ZNF227: variants seen among roughly 807,000 people sequenced by gnomAD.
ZNF227 encodes the protein zinc finger protein 227.
In ZNF227, 12 loss-of-function variants were observed where a neutral mutation model predicts 13.2. The ratio of observed to expected loss-of-function variants is 0.91; its 90% CI spans 0.58 to 1.47. The LOEUF is 1.47. ZNF227 is among the 40% of genes most tolerant of loss of function. ZNF227 has a pLI of 0.00. For missense variants in ZNF227, 885 were observed against 967.5 expected, an observed-to-expected ratio of 0.91 and a Z score of 1.13; for synonymous variants, 338 against 326.0, an observed-to-expected ratio of 1.04 and a Z score of -0.40.
In ZNF227 at chr19:44,235,092, C is replaced by T. The variant is rs1347579443; in HGVS notation, c.662C>T (p.Thr221Ile). Reference protein sequence around the residue: ...SPFHEHIKTDTEPKPCKGNEY... With the variant: ...SPFHEHIKTDIEPKPCKGNEY... The stretch of plus-strand genomic sequence containing the variant: ...TTTCATGAGCATATTAAAACTGACA[C>T]AGAACCAAAACCCTGCAAAGGTAAT... Residue 221 changes from threonine (T) to isoleucine (I), a missense_variant, in exon 6 of 6, where the codon ACA becomes ATA. By Grantham distance (89) the Thr-to-Ile change is moderately conservative (BLOSUM62 -1). Coordinates refer to ENST00000313040, the MANE Select transcript of ZNF227 (RefSeq NM_182490.3). 2.5e-6 allele frequency: 4 copies of T among 1,613,738 alleles called. No homozygotes were observed. The highest frequency in any genetic ancestry group is 3.4e-6 in the Non-Finnish European group (4 of 1,179,958).
upstream of ZNF227, among the ~76,000 whole-genome samples, chr19:44,210,477 C>T (rs908452205): frequency 6.6e-6 from 1 of 152,188 alleles, no homozygotes; most frequent in African/African-American, 2.4e-5. Flanking sequence ...TAGCTTTATA[C>T]TAAGGCTGTA....
At chr19:44,230,677 T>TA (rs1324852552) in intron 5 of ZNF227, among the ~76,000 whole-genome samples, 2 of 151,958 alleles carry the variant, frequency 1.3e-5, no homozygotes, top group Admixed American at 1.3e-4. Context: ...CATTTTAATT[T>TA]AAAATACCAT....
At chr19:44,230,306 C>T (rs1030920659) in intron 5 of ZNF227, among the ~76,000 whole-genome samples, 6 of 152,254 alleles carry the variant, frequency 3.9e-5, no homozygotes, top group African/African-American at 1.4e-4. Flanking sequence ...TGAGTTGCCG[C>T]ACCCGGCCCA....
Position 44,234,923 on chromosome 19 carries a change from GA to G in ZNF227, c.497del (p.Asn166IlefsTer18). 10 of 1,612,900 alleles carry G rather than the reference GA, an allele frequency of 6.2e-6. No individual in the cohort carries two copies. Among genetic ancestry groups the G allele is most frequent in the Non-Finnish European group, 8.5e-6 (10 of 1,179,780 alleles). On this transcript the variant is annotated frameshift_variant, in exon 6 of 6. Transcript: ENST00000313040. LOFTEE classifies it low-confidence loss of function (END_TRUNC). ...NPKGDSSIYIENQEFPFWRTQ... is the reference protein window; with the variant it reads ...NPKGDSSIYIXNQEFPFWRTQ... ...TAAAGGAGATAGCTCTATTTATATT[GA>G]AAATCAAGAGTTTCCATTTTGGAGA...
chr19:44,225,132 G>A (rs547965368), intron 3 of ZNF227, among the ~76,000 whole-genome samples: 362 of 151,974 alleles, frequency 2.4e-3, no homozygotes, highest in African/African-American at 8.3e-3. Flanking sequence ...TCTGCCGAGA[G>A]ATCCGCTGTT....
At chr19:44,225,053 C>A (rs1972958576) in intron 3 of ZNF227, among the ~76,000 whole-genome samples, 1 of 152,074 alleles carries the variant, frequency 6.6e-6, no homozygotes, top group South Asian at 2.1e-4. Context: ...ATATGAAATT[C>A]TGGGTTGAAA....
At chr19:44,224,096 G>C (rs780644794) in intron 3 of ZNF227, among the ~76,000 whole-genome samples, 1 of 152,192 alleles carries the variant, frequency 6.6e-6, no homozygotes, top group Non-Finnish European at 1.5e-5. Flanking sequence ...TCTTAATCCT[G>C]AGTTCTAGTT....
upstream of ZNF227, among the ~76,000 whole-genome samples, chr19:44,209,561 TTTTA>T (rs780230318): frequency 7.3e-5 from 11 of 151,722 alleles, no homozygotes; most frequent in African/African-American, 1.7e-4. Context: ...ACTCAGGGTC[TTTTA>T]TTTATTTATT....
At chr19:44,213,346 T>C (rs1289415678) in intron 2 of ZNF227, 102 bp downstream of exon 2, 1 of 152,224 alleles carries the variant, frequency 6.6e-6, no homozygotes, top group Non-Finnish European at 1.5e-5. Context: ...ATGAAATATT[T>C]GTTGAATAAA....
At chr19:44,222,465 A>G (rs1312123312) in intron 3 of ZNF227, among the ~76,000 whole-genome samples, 2 of 151,108 alleles carry the variant, frequency 1.3e-5, no homozygotes, top group Non-Finnish European at 3.0e-5. Context: ...GTTCTCCTTG[A>G]AGAGGTCCTT....
rs1372764596 is a variant in ZNF227 at position 44,229,602 on chromosome 19, ACT to A, written c.188-128_188-127del. 4 of 438,414 alleles carry A rather than the reference ACT, an allele frequency of 9.1e-6. No homozygotes were observed. In the Admixed American group the frequency reaches 1.4e-4, roughly 15 times the overall value. The allele number at this position is 438,414 out of a possible 1,614,324, so 27.2% of individuals were successfully genotyped here. On this transcript the variant is annotated intron_variant, in intron 4 of 5. Transcript: ENST00000313040. Reference sequence around the variant, plus strand: ...ACTTCAGCCTGGGCGATAGAGTGAGACTCTGTCTCAAAATAAATAAATAAAAT... The same window carrying A: ...ACTTCAGCCTGGGCGATAGAGTGAGACTGTCTCAAAATAAATAAATAAAAT...
intron 5 of ZNF227, among the ~76,000 whole-genome samples, chr19:44,232,051 A>G (rs1973898705): frequency 6.6e-6 from 1 of 152,154 alleles, no homozygotes; most frequent in African/African-American, 2.4e-5. Flanking sequence ...CAGTTATATA[A>G]CCTACATACA....
chr19:44,236,732 G>A lies in ZNF227; in HGVS notation c.2302G>A (p.Gly768Arg). The A allele has an allele frequency of 1.9e-6, 3 of 1,614,112 alleles. No individual in the cohort carries two copies. The highest frequency in any genetic ancestry group is 2.2e-5 in the South Asian group (2 of 91,074). Residue 768 changes from glycine to arginine, a missense_variant, in exon 6 of 6, where the codon GGA (glycine) becomes AGA (arginine). By Grantham distance (125) the Gly-to-Arg change is moderately radical (BLOSUM62 -2). Coordinates refer to ENST00000313040, the MANE Select transcript of ZNF227 (RefSeq NM_182490.3). ...RLEAHQRVHT[G>R]EKPYKCDICD... is the part of the protein sequence containing the mutation. ...TGAAGCCCATCAGAGAGTCCACACT[G>A]GAGAAAAACCATACAAATGTGACAT...
intron 3 of ZNF227, among the ~76,000 whole-genome samples, chr19:44,223,046 C>T (rs1243332845): frequency 6.6e-6 from 1 of 152,090 alleles, no homozygotes; most frequent in East Asian, 1.9e-4. Flanking sequence ...CTTTGGGTTT[C>T]TTTATATGCT....
chr19:44,221,098 A>C (rs2122740449), intron 3 of ZNF227, among the ~76,000 whole-genome samples: 2 of 152,086 alleles, frequency 1.3e-5, no homozygotes, highest in East Asian at 3.9e-4. Flanking sequence ...GCTATTGTGA[A>C]TAGTGCTGCA....
At chr19:44,228,712 A>G in intron 4 of ZNF227, 140 bp downstream of exon 4, 1 of 1,126,592 alleles carries the variant, frequency 8.9e-7, no homozygotes. Flanking sequence ...GGAAAACAGG[A>G]TAGGTTTTTC....
rs1599855823 is a variant in ZNF227, at chr19:44,236,038, A to G, written c.1608A>G (p.Gln536=). The change falls in exon 6 of 6, where the codon CAA becomes CAG. Residue 536 remains glutamine (Q), a synonymous_variant. Transcript: ENST00000313040. ...GCTTCAGTCAGTCCTCAAAGCTTCAAACCCATCAGCGAGTCCACACTGGAG... is the reference window on the plus strand; with the variant it reads ...GCTTCAGTCAGTCCTCAAAGCTTCAGACCCATCAGCGAGTCCACACTGGAG... ...GKGFSQSSKL[Q]THQRVHTGEK... The G allele has an allele frequency of 1.2e-6, 2 of 1,607,396 alleles. No homozygotes were observed. Among genetic ancestry groups the G allele is most frequent in the Non-Finnish European group, 1.7e-6 (2 of 1,178,030 alleles).
chr19:44,228,775 C>A, intron 4 of ZNF227: 1 of 571,670 alleles, frequency 1.7e-6, no homozygotes, highest in Non-Finnish European at 2.7e-6. Flanking sequence ...GGTTCTCAAC[C>A]ATGGGTGATT....
rs763304090 is a variant in ZNF227 at position 44,234,769 on chromosome 19, G to A, written c.339G>A (p.Glu113=). 6 of 1,612,834 alleles carry A rather than the reference G, an allele frequency of 3.7e-6. No homozygotes were observed. The Admixed American group carries it at 6.7e-5, about 18-fold the overall frequency. The change falls in exon 6 of 6, where the codon GAG becomes GAA. Residue 113 remains glutamate, a synonymous_variant. Coordinates refer to ENST00000313040, the MANE Select transcript of ZNF227 (RefSeq NM_182490.3). The part of the protein sequence containing the change: ...KFALKYLSNQ[E]LSCWQIWKQV... ...CATTAAAATACCTTTCAAATCAAGA[G>A]CTGTCCTGCTGGCAAATCTGGAAAC...
Sources: allele counts gnomAD v4.1 joint callset (sites outside exome capture counted in the v4.1 genomes callset), GRCh38; gene constraint gnomAD v4.1.1; transcripts MANE v1.5; gene names NCBI Gene and HGNC (gene_info 2026-07-23, HGNC 2026-07-21).